The following PCDHGB6 variants were observed in gnomAD, a reference collection of about 807,000 sequenced individuals.
PCDHGB6 encodes protocadherin gamma-B6.
PCDHGB6 carries 51 observed loss-of-function variants against 59.1 expected under a neutral mutation model. That is an observed-to-expected ratio of 0.86 (90% CI 0.69 to 1.09). The LOEUF (loss-of-function observed/expected upper bound fraction) is 1.09, where lower values mean the gene tolerates loss of function less well. PCDHGB6 is among the 50% of genes least tolerant of loss of function. The pLI, the probability that PCDHGB6 is intolerant of heterozygous loss-of-function variation, is 0.00. For synonymous variants in PCDHGB6, 466 were observed against 495.1 expected, an observed-to-expected ratio of 0.94 and a Z score of 0.78; for missense variants, 1,148 against 1,205.1, an observed-to-expected ratio of 0.95 and a Z score of 0.70.
chr5:141,430,577 C>A, intron 1 of PCDHGB6: 1 of 464,652 alleles, frequency 2.2e-6, no homozygotes. Context: ...AAGCGGAGAT[C>A]CTGCTCGCCT....
chr5:141,422,626 C>A, intron 1 of PCDHGB6: 2 of 1,613,334 alleles, frequency 1.2e-6, no homozygotes, highest in Non-Finnish European at 1.7e-6. Flanking sequence ...CGAAAACAAC[C>A]CCAGGGGTGC....
In PCDHGB6 at chr5:141,423,113, C is replaced by G. The variant is rs2096710947; in HGVS notation, c.2418+12493C>G. On this transcript the variant is annotated intron_variant, in intron 1 of 3. Coordinates refer to ENST00000520790, the MANE Select transcript of PCDHGB6 (RefSeq NM_018926.3). The stretch of plus-strand genomic sequence containing the variant: ...GGGGAGCACACGGGCGAGGTGCGTA[C>G]AGCGCGGGCACTGCTGGACAGAGAC... The G allele has an allele frequency of 1.9e-6, 3 of 1,613,702 alleles. No homozygotes were observed. The highest frequency in any genetic ancestry group is 2.5e-6 in the Non-Finnish European group (3 of 1,179,992).
chr5:141,417,751 C>T, intron 1 of PCDHGB6: 1 of 1,427,514 alleles, frequency 7.0e-7, no homozygotes, highest in Non-Finnish European at 9.2e-7. Flanking sequence ...AGATTGCCAG[C>T]TCCGAGACCC....
chr5:141,419,012 A>C (rs1422133011), intron 1 of PCDHGB6: 1 of 1,613,986 alleles, frequency 6.2e-7, no homozygotes. Context: ...AGTCAGGTGT[A>C]GCTTAAGTAG....
chr5:141,456,700 C>G (rs1420857227), intron 1 of PCDHGB6, among the ~76,000 whole-genome samples: 2 of 152,060 alleles, frequency 1.3e-5, no homozygotes, highest in Admixed American at 1.3e-4. Flanking sequence ...CGTGGTGGCT[C>G]GCGCCTGTAA....
Position 141,421,312 on chromosome 5 carries a change from G to A in PCDHGB6, c.2418+10692G>A, listed in dbSNP as rs375071225. ...CCTGGGGACGCTGCGGGGGTTCCGGGCCAGGCAGATCCGATATTCGGTGCC... is the reference window on the plus strand; with the variant it reads ...CCTGGGGACGCTGCGGGGGTTCCGGACCAGGCAGATCCGATATTCGGTGCC... On this transcript the variant is annotated intron_variant, in intron 1 of 3. Coordinates refer to ENST00000520790, the MANE Select transcript of PCDHGB6 (RefSeq NM_018926.3). The A allele has an allele frequency of 1.9e-5, 31 of 1,613,630 alleles. No homozygotes were observed. The highest frequency in any genetic ancestry group is 1.4e-5 in the Non-Finnish European group (17 of 1,179,886).
chr5:141,482,103 A>C (rs34394498), intron 1 of PCDHGB6, among the ~76,000 whole-genome samples: 2 of 142,250 alleles, frequency 1.4e-5, no homozygotes, highest in Non-Finnish European at 3.0e-5. Flanking sequence ...AAAAAAAAAA[A>C]AATATCTAGA....
At chr5:141,457,094 C>T (rs2098908295) in intron 1 of PCDHGB6, among the ~76,000 whole-genome samples, 1 of 152,154 alleles carries the variant, frequency 6.6e-6, no homozygotes, top group Non-Finnish European at 1.5e-5. Context: ...TATAAGGATA[C>T]TAATTAAGCA....
chr5:141,488,672 G>A (rs1012955473), intron 1 of PCDHGB6, among the ~76,000 whole-genome samples: 20 of 152,208 alleles, frequency 1.3e-4, no homozygotes, highest in African/African-American at 4.8e-4. Context: ...GAATACATGG[G>A]CTTTGCCTCT....
chr5:141,431,003 G>T lies in PCDHGB6; in HGVS notation c.2418+20383G>T, dbSNP rs2097334899. ...GCTTTTCGCCCTGAATCCGCGCAGC[G>T]GCAGCTTGGTCACGGCGGGCAGGAT... On this transcript the variant is annotated intron_variant, in intron 1 of 3. Coordinates refer to ENST00000520790, the MANE Select transcript of PCDHGB6 (RefSeq NM_018926.3). This position sits in a 1 kb window ranked among gnomAD's most constrained non-coding sequence, Gnocchi z 4.8. 1.9e-6 allele frequency: 3 copies of T among 1,613,960 alleles called. No homozygotes were observed. The highest frequency in any genetic ancestry group is 2.5e-6 in the Non-Finnish European group (3 of 1,179,982).
intron 1 of PCDHGB6, chr5:141,424,468 C>A (rs1301878037): frequency 1.3e-5 from 2 of 152,072 alleles, no homozygotes; most frequent in South Asian, 2.1e-4. Context: ...TCCTTTTATT[C>A]TTTTACTTTG....
chr5:141,459,557 A>G (rs1052669136), intron 1 of PCDHGB6, among the ~76,000 whole-genome samples: 1 of 152,224 alleles, frequency 6.6e-6, no homozygotes, highest in East Asian at 1.9e-4. Context: ...TCTTGGATAA[A>G]TACCCCAAAA....
At chr5:141,447,768 T>C (rs1392134454) in intron 1 of PCDHGB6, among the ~76,000 whole-genome samples, 1 of 152,212 alleles carries the variant, frequency 6.6e-6, no homozygotes, top group East Asian at 1.9e-4. Context: ...ATATAAATTA[T>C]ACTTTAATTG....
intron 1 of PCDHGB6, chr5:141,423,320 T>C: frequency 6.2e-7 from 1 of 1,614,148 alleles, no homozygotes; most frequent in Non-Finnish European, 8.5e-7. Flanking sequence ...GTGGTGGCGG[T>C]GGCCGCAGTC....
At chr5:141,410,748 C>G in intron 1 of PCDHGB6, 128 bp downstream of exon 1, 1 of 1,245,396 alleles carries the variant, frequency 8.0e-7, no homozygotes, top group Non-Finnish European at 1.1e-6. Flanking sequence ...AATATTTTCT[C>G]AATGTTTTTT....
chr5:141,410,084 A>G lies in PCDHGB6; in HGVS notation c.1882A>G (p.Thr628Ala). 1.9e-6 allele frequency: 3 copies of G among 1,612,532 alleles called. No homozygotes were observed. The highest frequency in any genetic ancestry group is 2.5e-6 in the Non-Finnish European group (3 of 1,179,664). Reference sequence around the variant, plus strand: ...GGGGCTGCGCACTGGGGAGGTGCGCACGGCTCGAGCCTTAGGCGACAGGGA... The same window carrying G: ...GGGGCTGCGCACTGGGGAGGTGCGCGCGGCTCGAGCCTTAGGCGACAGGGA... ...SLGLRTGEVR[T>A]ARALGDRDAA... is the part of the protein sequence containing the mutation. Residue 628 changes from threonine (T) to alanine (A), a missense_variant, in exon 1 of 4, where the codon ACG (threonine) becomes GCG (alanine). By Grantham distance (58) the Thr-to-Ala change is moderately conservative (BLOSUM62 0). Coordinates refer to ENST00000520790, the MANE Select transcript of PCDHGB6 (RefSeq NM_018926.3).
At chr5:141,459,303 T>C (rs1419156629) in intron 1 of PCDHGB6, among the ~76,000 whole-genome samples, 1 of 152,242 alleles carries the variant, frequency 6.6e-6, no homozygotes, top group Non-Finnish European at 1.5e-5. Context: ...CTATAACATA[T>C]ACTATTTTGT....
intron 1 of PCDHGB6, among the ~76,000 whole-genome samples, chr5:141,463,810 A>G (rs1469182885): frequency 6.6e-6 from 1 of 152,178 alleles, no homozygotes; most frequent in Non-Finnish European, 1.5e-5. Context: ...AAAAGCTTTT[A>G]TCACACATTT....
intron 1 of PCDHGB6, chr5:141,414,994 T>G (rs1390374290): frequency 6.2e-7 from 1 of 1,613,744 alleles, no homozygotes; most frequent in South Asian, 1.1e-5. Flanking sequence ...CCAGAACGCC[T>G]GGCTGTCCTA....
Sources: allele counts gnomAD v4.1 joint callset (sites outside exome capture counted in the v4.1 genomes callset), GRCh38; gene constraint gnomAD v4.1.1; non-coding constraint Gnocchi (gnomAD v3.1); transcripts MANE v1.5; gene names NCBI Gene and HGNC (gene_info 2026-07-23, HGNC 2026-07-21).